LRRTM4: variants seen among roughly 807,000 people sequenced by gnomAD.
LRRTM4 encodes the protein leucine-rich repeat transmembrane neuronal protein 4.
LRRTM4 carries 25 observed loss-of-function variants against 47.6 expected under a neutral mutation model. That is an observed-to-expected ratio of 0.53 (90% CI 0.38 to 0.73). The LOEUF (loss-of-function observed/expected upper bound fraction) is 0.73, where lower values mean the gene tolerates loss of function less well. Ranked by LOEUF, LRRTM4 falls within the 30% of genes least tolerant of loss-of-function variation. The pLI, the probability that LRRTM4 is intolerant of heterozygous loss-of-function variation, is 0.00. For missense variants in LRRTM4, 638 were observed against 713.4 expected, an observed-to-expected ratio of 0.89 and a Z score of 1.20; for synonymous variants, 311 against 269.5, an observed-to-expected ratio of 1.15 and a Z score of -1.51.
chr2:77,040,572 T>C (rs1019605010), intron 3 of LRRTM4, among the ~76,000 whole-genome samples: 2 of 151,368 alleles, frequency 1.3e-5, no homozygotes, highest in African/African-American at 4.8e-5. Context: ...CAAAATACTG[T>C]GGAGCCTTTG....
intron 3 of LRRTM4, among the ~76,000 whole-genome samples, chr2:77,291,526 A>C (rs1387666878): frequency 6.6e-6 from 1 of 152,112 alleles, no homozygotes; most frequent in African/African-American, 2.4e-5. Flanking sequence ...ATTGCCAGTA[A>C]AGTTCAAAAG....
chr2:76,826,110 G>A (rs376492749), intron 3 of LRRTM4, among the ~76,000 whole-genome samples: 68 of 151,624 alleles, frequency 4.5e-4, no homozygotes, highest in African/African-American at 1.5e-3. Context: ...GTATATGAGC[G>A]AGTATTTTCC....
chr2:77,276,561 T>C (rs1290618148), intron 3 of LRRTM4, among the ~76,000 whole-genome samples: 2 of 150,356 alleles, frequency 1.3e-5, no homozygotes, highest in Non-Finnish European at 1.5e-5. Context: ...CTCCAATGCA[T>C]TTATTATCGT....
At chr2:77,517,513 C>A (rs182282675) in intron 3 of LRRTM4, 1 of 984,870 alleles carries the variant, frequency 1.0e-6, no homozygotes, top group Non-Finnish European at 1.2e-6. Context: ...ATTTTAGTTA[C>A]CAGGGACAAA....
chr2:76,933,904 C>G (rs1558747221), intron 3 of LRRTM4, among the ~76,000 whole-genome samples: 1 of 152,112 alleles, frequency 6.6e-6, no homozygotes, highest in Non-Finnish European at 1.5e-5. Flanking sequence ...ACATGCTTTC[C>G]TTCCCCATTT....
At chr2:77,155,660 A>G (rs1014094959) in intron 3 of LRRTM4, among the ~76,000 whole-genome samples, 9 of 152,122 alleles carry the variant, frequency 5.9e-5, no homozygotes, top group African/African-American at 1.9e-4. Context: ...GAATGAAGAA[A>G]GATATCAAAG....
At position 76,996,151 on chromosome 2, in the gene LRRTM4, A is replaced by G. The variant is rs916292180; in HGVS notation, c.1552-247235T>C. Among the ~76,000 whole-genome samples the G allele has an allele frequency of 4.6e-5, 7 of 152,086 alleles. No homozygotes were observed. The South Asian group carries it at 6.2e-4, about 13-fold the overall frequency. ...CACCAATTAGAAATTCTGAAAATTA[A>G]ACATGTTATCATAAACAAGCAATAG... On this transcript the variant is annotated intron_variant, in intron 3 of 3. Transcript: ENST00000409884.
chr2:77,092,860 G>A (rs909206213), intron 3 of LRRTM4, among the ~76,000 whole-genome samples: 2 of 143,946 alleles, frequency 1.4e-5, no homozygotes, highest in Non-Finnish European at 2.9e-5. Flanking sequence ...TATCCCTTAC[G>A]ATCCTCCATC....
intron 3 of LRRTM4, among the ~76,000 whole-genome samples, chr2:77,255,564 G>C (rs1463003585): frequency 6.6e-6 from 1 of 151,980 alleles, no homozygotes; most frequent in East Asian, 1.9e-4. Flanking sequence ...AAATTTTACA[G>C]AGCATACACT....
At chr2:77,422,881 G>A (rs1341524351) in intron 3 of LRRTM4, among the ~76,000 whole-genome samples, 5 of 151,916 alleles carry the variant, frequency 3.3e-5, no homozygotes, top group Admixed American at 2.6e-4. Flanking sequence ...TTCAAAATTT[G>A]GCATAATAAA....
At chr2:77,196,744 TAATA>T (rs1396051308) in intron 3 of LRRTM4, among the ~76,000 whole-genome samples, 1 of 152,034 alleles carries the variant, frequency 6.6e-6, no homozygotes, top group Non-Finnish European at 1.5e-5. Flanking sequence ...CTTTCTCAAA[TAATA>T]AATTAAATAA....
chr2:77,497,345 T>C (rs1678401793), intron 3 of LRRTM4, among the ~76,000 whole-genome samples: 1 of 147,544 alleles, frequency 6.8e-6, no homozygotes, highest in African/African-American at 2.4e-5. Context: ...TACTTTGTGT[T>C]TGATTTGCTC....
intron 3 of LRRTM4, among the ~76,000 whole-genome samples, chr2:77,444,018 A>G (rs1260669719): frequency 2.0e-5 from 3 of 152,188 alleles, no homozygotes; most frequent in African/African-American, 7.2e-5. Context: ...AGCTTTATTT[A>G]AAGGAATTAA....
chr2:77,257,220 T>G (rs2104028784), intron 3 of LRRTM4, among the ~76,000 whole-genome samples: 1 of 152,122 alleles, frequency 6.6e-6, no homozygotes, highest in Admixed American at 6.6e-5. Context: ...GAATGCTTTT[T>G]CCTAAGTCTG....
intron 3 of LRRTM4, among the ~76,000 whole-genome samples, chr2:77,071,996 G>T (rs1438008533): frequency 1.3e-5 from 2 of 152,024 alleles, no homozygotes; most frequent in Non-Finnish European, 1.5e-5. Context: ...TTTTAGTTTG[G>T]ATCATTGAAT....
In LRRTM4 at chr2:77,266,221, A is replaced by C. The variant is rs1676045021; in HGVS notation, c.1551+252097T>G. On this transcript the variant is annotated intron_variant, in intron 3 of 3. Transcript: ENST00000409884. The stretch of plus-strand genomic sequence containing the variant: ...ATTGCTTATCTCTGATCTAGATGTA[A>C]AGGAAGACTCTTTAAAACATGACAG... Among the ~76,000 whole-genome samples, 3 of 152,180 alleles carry C rather than the reference A, an allele frequency of 2.0e-5. No homozygotes were observed. In the South Asian group the frequency reaches 6.2e-4, roughly 31 times the overall value.
chr2:77,391,353 A>G (rs1022974474), intron 3 of LRRTM4, among the ~76,000 whole-genome samples: 8 of 152,020 alleles, frequency 5.3e-5, no homozygotes, highest in African/African-American at 1.9e-4. Flanking sequence ...CTGGGTGAGC[A>G]GGACAAGGTG....
chr2:77,152,014 A>C (rs1303881293), intron 3 of LRRTM4, among the ~76,000 whole-genome samples: 1 of 152,216 alleles, frequency 6.6e-6, no homozygotes, highest in Non-Finnish European at 1.5e-5. Flanking sequence ...TTTAACCAGC[A>C]CAAAAAACTG....
chr2:77,254,695 C>G (rs1164511342), intron 3 of LRRTM4, among the ~76,000 whole-genome samples: 2 of 151,814 alleles, frequency 1.3e-5, no homozygotes, highest in Non-Finnish European at 2.9e-5. Flanking sequence ...TAAATGTTTT[C>G]TCTACTTCAG....
Sources: gnomAD v4.1 joint callset for allele counts (sites outside exome capture counted in the v4.1 genomes callset) on GRCh38, gnomAD v4.1.1 for gene constraint, MANE v1.5 for transcripts, NCBI Gene and HGNC (gene_info 2026-07-23, HGNC 2026-07-21) for gene names.